Variants in DNAH9 observed in about 807,000 individuals in gnomAD.
DNAH9 encodes DNAH9 variant protein.
Under a neutral mutation model 471.6 loss-of-function variants are expected in DNAH9, and 345 were observed. That is an observed-to-expected ratio of 0.73 (90% CI 0.67 to 0.80). DNAH9 has a LOEUF of 0.80. Among genes scored for constraint, DNAH9 ranks in the 30% least tolerant of loss-of-function variants. DNAH9 has a pLI of 0.00. For missense variants in DNAH9, 5,407 were observed against 5,609.2 expected, an observed-to-expected ratio of 0.96 and a Z score of 1.15; for synonymous variants, 2,093 against 2,123.6, an observed-to-expected ratio of 0.99 and a Z score of 0.40.
At chr17:11,917,760 C>T (rs192350589) in intron 61 of DNAH9, among the ~76,000 whole-genome samples, 19 of 152,304 alleles carry the variant, frequency 1.2e-4, no homozygotes, top group Admixed American at 8.5e-4. Flanking sequence ...CATGGCGTTA[C>T]GATGAGGATG....
intron 31 of DNAH9, among the ~76,000 whole-genome samples, chr17:11,745,691 A>G (rs1015880602): frequency 6.6e-5 from 10 of 152,206 alleles, no homozygotes; most frequent in African/African-American, 2.4e-4. Flanking sequence ...AAAAAATGAT[A>G]TCCATCAAAC....
intron 59 of DNAH9, among the ~76,000 whole-genome samples, chr17:11,897,865 T>A (rs1973268230): frequency 6.6e-6 from 1 of 152,144 alleles, no homozygotes; most frequent in Non-Finnish European, 1.5e-5. Context: ...TACAATGGAG[T>A]GGCTTAAAAC....
At chr17:11,804,824 A>C (rs1419208293) in intron 43 of DNAH9, among the ~76,000 whole-genome samples, 1 of 151,648 alleles carries the variant, frequency 6.6e-6, no homozygotes, top group Non-Finnish European at 1.5e-5. Flanking sequence ...CAGTGAGCCG[A>C]GATCGCGCCA....
At chr17:11,659,965 C>G (rs1268876346) in intron 14 of DNAH9, among the ~76,000 whole-genome samples, 1 of 152,158 alleles carries the variant, frequency 6.6e-6, no homozygotes, top group Non-Finnish European at 1.5e-5. Flanking sequence ...CTTTTTCATT[C>G]CTAATATTGG....
intron 38 of DNAH9, among the ~76,000 whole-genome samples, chr17:11,778,557 G>T (rs1270524979): frequency 1.3e-5 from 2 of 151,956 alleles, no homozygotes; most frequent in Admixed American, 6.6e-5. Context: ...GGGTATTCTT[G>T]TCTGCCGTTT....
At chr17:11,813,717 TC>T (rs1718856282) in intron 45 of DNAH9, among the ~76,000 whole-genome samples, 2 of 152,244 alleles carry the variant, frequency 1.3e-5, no homozygotes, top group Admixed American at 1.3e-4. Flanking sequence ...CCATTTCATT[TC>T]TTGTTTTCCT....
intron 27 of DNAH9, among the ~76,000 whole-genome samples, chr17:11,722,103 A>G (rs934996550): frequency 2.6e-5 from 4 of 152,158 alleles, no homozygotes; most frequent in Non-Finnish European, 4.4e-5. Context: ...AAAGGGTGCG[A>G]GGTCAGGAAG....
At chr17:11,907,681 G>T (rs1189990050) in intron 61 of DNAH9, among the ~76,000 whole-genome samples, 2 of 152,150 alleles carry the variant, frequency 1.3e-5, no homozygotes, top group Non-Finnish European at 2.9e-5. Flanking sequence ...AGAACTAACA[G>T]CATATGCTTT....
chr17:11,921,943 GC>G (rs1974152213), intron 61 of DNAH9, among the ~76,000 whole-genome samples: 1 of 152,006 alleles, frequency 6.6e-6, no homozygotes, highest in Non-Finnish European at 1.5e-5. Context: ...AAATAAACAG[GC>G]CCTTTTGTGA....
intron 41 of DNAH9, among the ~76,000 whole-genome samples, chr17:11,785,007 G>T (rs1197814061): frequency 6.6e-6 from 1 of 152,068 alleles, no homozygotes; most frequent in Non-Finnish European, 1.5e-5. Flanking sequence ...GATGCCATCT[G>T]CCAGCCTCTA....
intron 67 of DNAH9, among the ~76,000 whole-genome samples, chr17:11,952,716 C>G (rs1481821647): frequency 2.6e-5 from 4 of 152,096 alleles, no homozygotes; most frequent in Non-Finnish European, 5.9e-5. Context: ...TGGCCTGTAG[C>G]CCTTAAAGGC....
intron 45 of DNAH9, among the ~76,000 whole-genome samples, chr17:11,816,795 T>C (rs1201885264): frequency 6.6e-6 from 1 of 152,192 alleles, no homozygotes; most frequent in Non-Finnish European, 1.5e-5. Flanking sequence ...ACTATTAGAA[T>C]ATTTCAATAC....
At chr17:11,843,863 G>GTGTGTATATATATATA (rs1253794533) in intron 49 of DNAH9, among the ~76,000 whole-genome samples, 18 of 46,460 alleles carry the variant, frequency 3.9e-4, no homozygotes, top group African/African-American at 1.5e-3. Flanking sequence ...GTGTGTGTGT[G>GTGTGTATATATATATA]TATATATATA....
chr17:11,845,812 A>G (rs1971202294), intron 49 of DNAH9, among the ~76,000 whole-genome samples: 1 of 135,856 alleles, frequency 7.4e-6, no homozygotes, highest in African/African-American at 2.9e-5. Flanking sequence ...TTCTTTTGAG[A>G]AGTGTCTGTT....
rs770328921 is a variant in DNAH9, at chr17:11,874,244, C to CAAA, written c.10243-692_10243-690dup. On this transcript the variant is annotated intron_variant, in intron 52 of 68. Coordinates refer to ENST00000262442, the MANE Select transcript of DNAH9 (RefSeq NM_001372.4). ...TGTGTGACAGAGCAAGATTCCATCTCAAAAAAAAAAAAAAAGAACTGAGTG... is the reference window on the plus strand; with the variant it reads ...TGTGTGACAGAGCAAGATTCCATCTCAAAAAAAAAAAAAAAAAAGAACTGAGTG... Among the ~76,000 whole-genome samples, 8 of 106,458 alleles carry CAAA rather than the reference C, an allele frequency of 7.5e-5. 1 individual carries two copies. Among genetic ancestry groups the CAAA allele is most frequent in the Non-Finnish European group, 1.1e-4 (6 of 53,274 alleles). 69.8% of individuals were successfully genotyped at this position (106,458 alleles called of 152,430 possible).
At chr17:11,708,818 A>G (rs757374694) in intron 26 of DNAH9, among the ~76,000 whole-genome samples, 6 of 152,160 alleles carry the variant, frequency 3.9e-5, no homozygotes, top group Admixed American at 1.3e-4. Context: ...TGATAAATCT[A>G]TCCCCCGCTC....
chr17:11,957,448 C>T (rs1975702885), intron 67 of DNAH9, among the ~76,000 whole-genome samples: 1 of 151,302 alleles, frequency 6.6e-6, no homozygotes, highest in Admixed American at 6.6e-5. Context: ...ACAGAAGAAA[C>T]ATAAGACTCT....
chr17:11,936,631 G>C (rs866705537), intron 65 of DNAH9, among the ~76,000 whole-genome samples: 1 of 152,118 alleles, frequency 6.6e-6, no homozygotes, highest in South Asian at 2.1e-4. Context: ...AGCAGAGTGA[G>C]AGCCTGTCTC....
chr17:11,806,863 G>A (rs1969706291), intron 43 of DNAH9, among the ~76,000 whole-genome samples: 2 of 152,118 alleles, frequency 1.3e-5, no homozygotes, highest in Admixed American at 1.3e-4. Context: ...TATAAAGGGT[G>A]TAGCACCTTG....
Sources: allele counts gnomAD v4.1 joint callset (sites outside exome capture counted in the v4.1 genomes callset), GRCh38; gene constraint gnomAD v4.1.1; transcripts MANE v1.5; gene names NCBI Gene and HGNC (gene_info 2026-07-23, HGNC 2026-07-21).